Variants in KHDRBS2 observed in about 807,000 individuals in gnomAD.
The protein encoded by KHDRBS2 is KH RNA binding domain containing, signal transduction associated 2.
KHDRBS2 carries 26 observed loss-of-function variants against 44.3 expected under a neutral mutation model. The ratio of observed to expected loss-of-function variants is 0.59; its 90% CI spans 0.43 to 0.81. The LOEUF is 0.81. Ranked by LOEUF, KHDRBS2 falls within the 40% of genes least tolerant of loss-of-function variation. KHDRBS2 has a pLI of 0.00. For missense variants in KHDRBS2, 476 were observed against 433.1 expected (o/e 1.10, Z -0.88); for synonymous variants, 194 against 151.1 (o/e 1.28, Z -2.08).
At chr6:61,882,263 GC>G (rs2127318512) in intron 6 of KHDRBS2, among the ~76,000 whole-genome samples, 1 of 152,004 alleles carries the variant, frequency 6.6e-6, no homozygotes, top group South Asian at 2.1e-4. Flanking sequence ...CTTCTATCTG[GC>G]ACTCACACCA....
chr6:62,284,682 T>C (rs1284798151), intron 1 of KHDRBS2, among the ~76,000 whole-genome samples: 1 of 152,178 alleles, frequency 6.6e-6, no homozygotes, highest in East Asian at 1.9e-4. Context: ...TGAATATAAA[T>C]CTTTTCCTAA....
chr6:61,676,670 T>A (rs913415509), downstream of KHDRBS2, among the ~76,000 whole-genome samples: 1 of 151,856 alleles, frequency 6.6e-6, no homozygotes. Context: ...CTATAGATAC[T>A]TCTACAGGAT....
chr6:61,808,977 G>A (rs1167260312), intron 6 of KHDRBS2, among the ~76,000 whole-genome samples: 5 of 151,438 alleles, frequency 3.3e-5, no homozygotes, highest in Non-Finnish European at 2.9e-5. Context: ...TTTGTTAAAC[G>A]CAATATCTAT....
chr6:62,115,901 T>C (rs1170817818), intron 2 of KHDRBS2, among the ~76,000 whole-genome samples: 1 of 152,108 alleles, frequency 6.6e-6, no homozygotes, highest in African/African-American at 2.4e-5. Flanking sequence ...AGCTAATGAA[T>C]ATTCTCTTAA....
At chr6:62,027,018 T>A (rs1390991971) in intron 3 of KHDRBS2, among the ~76,000 whole-genome samples, 1 of 152,062 alleles carries the variant, frequency 6.6e-6, no homozygotes, top group Non-Finnish European at 1.5e-5. Context: ...TTTCCTTTTT[T>A]TTTTTCATTT....
chr6:61,567,113 G>C, the KHDRBS2 span, among the ~76,000 whole-genome samples: 2 of 152,164 alleles, frequency 1.3e-5, no homozygotes, highest in African/African-American at 2.4e-5. Context: ...CTACCATACA[G>C]ACTGAGAGAC....
intron 6 of KHDRBS2, among the ~76,000 whole-genome samples, chr6:61,762,649 C>T (rs1779446157): frequency 6.6e-6 from 1 of 152,186 alleles, no homozygotes; most frequent in Non-Finnish European, 1.5e-5. Context: ...ACCAGATGCT[C>T]AGTTTTCTAG....
At chr6:61,819,505 T>C (rs1789532685) in intron 6 of KHDRBS2, among the ~76,000 whole-genome samples, 1 of 151,998 alleles carries the variant, frequency 6.6e-6, no homozygotes, top group Non-Finnish European at 1.5e-5. Flanking sequence ...GATATATCTA[T>C]AAACAATATC....
At chr6:61,951,961 T>C (rs1277490566) in intron 4 of KHDRBS2, among the ~76,000 whole-genome samples, 1 of 152,036 alleles carries the variant, frequency 6.6e-6, no homozygotes, top group Non-Finnish European at 1.5e-5. Flanking sequence ...AGCCACTCCT[T>C]AGACCAAGAG....
intron 3 of KHDRBS2, among the ~76,000 whole-genome samples, chr6:62,034,756 T>A (rs1784976303): frequency 6.8e-6 from 1 of 147,454 alleles, no homozygotes; most frequent in African/African-American, 2.5e-5. Context: ...GAATGCCCAC[T>A]TTCACCATTG....
intron 8 of KHDRBS2, among the ~76,000 whole-genome samples, chr6:61,695,222 AAAACAAAC>A (rs3054865): frequency 3.3e-5 from 5 of 150,404 alleles, no homozygotes; most frequent in African/African-American, 1.2e-4. Flanking sequence ...ACCTCCTGAC[AAAACAAAC>A]AAACAAACAA....
intron 6 of KHDRBS2, among the ~76,000 whole-genome samples, chr6:61,790,720 TA>T (rs1173017715): frequency 1.3e-5 from 2 of 151,636 alleles, no homozygotes; most frequent in Non-Finnish European, 3.0e-5. Context: ...TAGCATTCAG[TA>T]ATTTACCTTT....
At chr6:61,772,101 A>G (rs533291327) in intron 6 of KHDRBS2, among the ~76,000 whole-genome samples, 1 of 152,352 alleles carries the variant, frequency 6.6e-6, no homozygotes, top group African/African-American at 2.4e-5. Flanking sequence ...GAAGGCAGAC[A>G]TAAAGATGTT....
chr6:62,013,446 C>T (rs952263246), intron 3 of KHDRBS2, among the ~76,000 whole-genome samples: 5 of 151,890 alleles, frequency 3.3e-5, no homozygotes, highest in African/African-American at 1.2e-4. Flanking sequence ...TTTTATTTTA[C>T]ATCTTCAACA....
chr6:61,767,250 A>G (rs1343774133), intron 6 of KHDRBS2, among the ~76,000 whole-genome samples: 2 of 152,012 alleles, frequency 1.3e-5, no homozygotes, highest in Non-Finnish European at 2.9e-5. Flanking sequence ...AATCTATTTC[A>G]TTTAGCTATT....
intron 4 of KHDRBS2, among the ~76,000 whole-genome samples, chr6:61,909,649 A>G (rs1052786848): frequency 5.5e-5 from 6 of 109,924 alleles, no homozygotes; most frequent in Non-Finnish European, 9.2e-5. Context: ...AAAAGCTCAG[A>G]GCAGACAGAT....
the KHDRBS2 span, among the ~76,000 whole-genome samples, chr6:61,559,123 A>T: frequency 0.024 from 3,716 of 152,280 alleles, 71 homozygotes; most frequent in Middle Eastern, 0.085. Flanking sequence ...TATATTTACA[A>T]GCATTATATC....
Position 62,278,913 on chromosome 6 carries a change from T to C in KHDRBS2, c.91+6945A>G, listed in dbSNP as rs200220195. On this transcript the variant is annotated intron_variant, in intron 1 of 8. Coordinates refer to ENST00000281156, the MANE Select transcript of KHDRBS2 (RefSeq NM_152688.4). ...ATTGAGACCATCCTGGTTAACACGGTGAAACCCCGTCTCTACTAAAAATAC... is the reference window on the plus strand; with the variant it reads ...ATTGAGACCATCCTGGTTAACACGGCGAAACCCCGTCTCTACTAAAAATAC... Among the ~76,000 whole-genome samples the C allele has an allele frequency of 1.8e-4, 27 of 152,046 alleles. No individual in the cohort carries two copies. The East Asian group carries it at 5.0e-3, about 28-fold the overall frequency.
intron 2 of KHDRBS2, among the ~76,000 whole-genome samples, chr6:62,116,771 C>T (rs1186100332): frequency 6.6e-6 from 1 of 152,044 alleles, no homozygotes; most frequent in Non-Finnish European, 1.5e-5. Flanking sequence ...TGCGCCCTCC[C>T]ACCCCTCTCA....
Sources: allele counts gnomAD v4.1 joint callset (sites outside exome capture counted in the v4.1 genomes callset), GRCh38; gene constraint gnomAD v4.1.1; transcripts MANE v1.5; gene names NCBI Gene and HGNC (gene_info 2026-07-23, HGNC 2026-07-21).